RSPH10B: variants seen among roughly 807,000 people sequenced by gnomAD.
RSPH10B encodes the protein radial spoke head 10 homolog B (Chlamydomonas).
Under a neutral mutation model 52.5 loss-of-function variants are expected in RSPH10B, and 7 were observed. That is an observed-to-expected ratio of 0.13 (90% CI 0.08 to 0.25). The LOEUF (loss-of-function observed/expected upper bound fraction) is 0.25. RSPH10B is among the 10% of genes least tolerant of loss of function. The pLI is 1.00. For missense variants in RSPH10B, 89 were observed against 542.5 expected, an observed-to-expected ratio of 0.16 and a Z score of 8.30; for synonymous variants, 28 against 193.2, an observed-to-expected ratio of 0.14 and a Z score of 7.09.
At chr7:5,927,076 G>GTA (rs1383646838) in intron 18 of RSPH10B, among the ~76,000 whole-genome samples, 12 of 131,602 alleles carry the variant, frequency 9.1e-5, no homozygotes, top group Non-Finnish European at 2.0e-4. Flanking sequence ...GTATATGTGT[G>GTA]TGTGTGTGTG....
rs548280417 is a variant in RSPH10B, at chr7:5,944,223, C to T, written c.1530-233G>A. Among the ~76,000 whole-genome samples, 151 of 151,178 alleles carry T rather than the reference C, an allele frequency of 1.0e-3. 3 individuals carry two copies. The highest frequency in any genetic ancestry group is 3.4e-3 in the African/African-American group (138 of 40,862). On this transcript the variant is annotated intron_variant, in intron 11 of 18. Transcript: ENST00000337579. ...ACCAGCCTGGCCAACATGGTGGAAC[C>T]CCATCTCCACTAAAAATACAAAAAA...
intron 11 of RSPH10B, among the ~76,000 whole-genome samples, chr7:5,944,675 G>A (rs1183195256): frequency 1.4e-5 from 2 of 146,074 alleles, no homozygotes; most frequent in African/African-American, 5.2e-5. Context: ...AAAGACTGCT[G>A]AGGCTGGGCA....
At chr7:5,941,636 C>T (rs1211535114) in intron 13 of RSPH10B, among the ~76,000 whole-genome samples, 6 of 146,362 alleles carry the variant, frequency 4.1e-5, no homozygotes, top group African/African-American at 1.5e-4. Flanking sequence ...CCCAGCTACT[C>T]GGGAGGCTGA....
Position 5,927,043 on chromosome 7 carries a change from G to GTA in RSPH10B, c.2433-496_2433-495insTA, listed in dbSNP as rs1177030635. 2.1e-4 allele frequency among the ~76,000 whole-genome samples: 7 copies of GTA among 33,848 alleles called. 1 individual carries two copies. Among genetic ancestry groups the GTA allele is most frequent in the African/African-American group, 3.6e-4 (3 of 8,304 alleles). 22.2% of individuals were successfully genotyped at this position (33,848 alleles called of 152,430 possible). A position where few individuals can be genotyped will look rare whatever the true frequency, so the allele number is the denominator to read the frequency against. Reference sequence around the variant, plus strand: ...GTTACGTGTGTGTGTGTGTGTGTGTGTGTATTATGTGTGTGTGTGTGTGTA... The same window carrying GTA: ...GTTACGTGTGTGTGTGTGTGTGTGTGTATGTATTATGTGTGTGTGTGTGTGTA... On this transcript the variant is annotated intron_variant, in intron 18 of 18. Transcript: ENST00000337579.
intron 13 of RSPH10B, among the ~76,000 whole-genome samples, chr7:5,941,465 C>G (rs2128628544): frequency 6.8e-6 from 1 of 147,708 alleles, no homozygotes; most frequent in African/African-American, 2.5e-5. Context: ...ATGGAACAGG[C>G]CAGGCACAGT....
chr7:5,927,116 G>T, intron 18 of RSPH10B, among the ~76,000 whole-genome samples: 1 of 143,600 alleles, frequency 7.0e-6, no homozygotes, highest in Non-Finnish European at 1.5e-5. Context: ...TTTTGAGATA[G>T]GGTCTTACTG....
upstream of RSPH10B, among the ~76,000 whole-genome samples, chr7:5,968,773 C>G (rs1781200421): frequency 1.7e-5 from 1 of 58,412 alleles, no homozygotes; most frequent in Non-Finnish European, 4.4e-5. Context: ...CTCCAAAGTG[C>G]TGGGATTACA....
intron 13 of RSPH10B, among the ~76,000 whole-genome samples, chr7:5,942,689 C>A (rs1202665939): frequency 6.7e-6 from 1 of 149,876 alleles, no homozygotes; most frequent in Non-Finnish European, 1.5e-5. Flanking sequence ...TGGTGAACAC[C>A]CGTCTCTACT....
At chr7:5,927,619 C>A (rs1413274849) in intron 18 of RSPH10B, among the ~76,000 whole-genome samples, 3 of 142,934 alleles carry the variant, frequency 2.1e-5, no homozygotes, top group Non-Finnish European at 4.5e-5. Flanking sequence ...AAAGAGTCCA[C>A]AGGTTTTGAA....
At chr7:5,958,792 G>A (rs1289144483) in intron 5 of RSPH10B, among the ~76,000 whole-genome samples, 2 of 137,738 alleles carry the variant, frequency 1.5e-5, no homozygotes, top group African/African-American at 2.7e-5. Flanking sequence ...GTTGAAGTGA[G>A]CTGAGATGGC....
chr7:5,927,070 A>G (rs987580192), intron 18 of RSPH10B, among the ~76,000 whole-genome samples: 1,311 of 110,684 alleles, frequency 0.012, 28 homozygotes, highest in Non-Finnish European at 0.016. Flanking sequence ...GTGTGTGTAT[A>G]TGTGTGTGTG....
intron 6 of RSPH10B, among the ~76,000 whole-genome samples, chr7:5,956,734 A>G (rs1388490929): frequency 6.9e-5 from 10 of 144,378 alleles, no homozygotes; most frequent in Admixed American, 6.5e-4. Context: ...ACTCCCGGCT[A>G]ATTTTTATAT....
intron 18 of RSPH10B, among the ~76,000 whole-genome samples, chr7:5,927,084 G>GTATATATATATGTGTATATATATATA (rs1164900886): frequency 8.4e-5 from 9 of 106,548 alleles, no homozygotes; most frequent in Admixed American, 1.0e-4. Context: ...GTGTGTGTGT[G>GTATATATATATGTGTATATATATATA]TGTGTGTGTG....
intron 10 of RSPH10B, among the ~76,000 whole-genome samples, chr7:5,947,921 G>A (rs1780499157): frequency 1.1e-5 from 1 of 88,072 alleles, no homozygotes; most frequent in South Asian, 3.6e-4. Flanking sequence ...ACCCAGGCTG[G>A]AGTGCAATGG....
Position 5,927,779 on chromosome 7 carries a change from T to C in RSPH10B, c.2432+417A>G, listed in dbSNP as rs561642744. ...GGTGAAACCTCGTCTCTACTAAAAA[T>C]ACAAAAATTAGCCAGGCGTGGTGGT... On this transcript the variant is annotated intron_variant, in intron 18 of 18. Coordinates refer to ENST00000337579, the Ensembl canonical transcript of RSPH10B. Among the ~76,000 whole-genome samples the C allele has an allele frequency of 4.1e-5, 6 of 146,252 alleles. 1 individual carries two copies. The highest frequency in any genetic ancestry group is 1.0e-4 in the African/African-American group (4 of 38,922).
chr7:5,964,003 C>T (rs1267145009), intron 3 of RSPH10B, among the ~76,000 whole-genome samples: 1 of 150,994 alleles, frequency 6.6e-6, no homozygotes, highest in Non-Finnish European at 1.5e-5. Flanking sequence ...TCGCTTGAGC[C>T]TAGGAGTTCA....
upstream of RSPH10B, among the ~76,000 whole-genome samples, chr7:5,968,707 A>G (rs1159022930): frequency 1.5e-5 from 1 of 67,422 alleles, no homozygotes; most frequent in Non-Finnish European, 3.6e-5. Flanking sequence ...ACGGGGTTTC[A>G]CCGGGTTAGC....
chr7:5,958,378 T>G (rs1583243714), intron 5 of RSPH10B, among the ~76,000 whole-genome samples: 3 of 142,798 alleles, frequency 2.1e-5, no homozygotes, highest in Admixed American at 7.0e-5. Context: ...CCGGACATGG[T>G]GGCAGGCACC....
chr7:5,942,731 G>A lies in RSPH10B; in HGVS notation c.1758+593C>T, dbSNP rs551597593. The stretch of plus-strand genomic sequence containing the variant: ...ACAAAAATTAGCCAGGTGTGGTGGC[G>A]GGCACCTGTAATCCCAGCTACTCTG... On this transcript the variant is annotated intron_variant, in intron 13 of 18. Transcript: ENST00000337579. Among the ~76,000 whole-genome samples, 935 of 150,550 alleles carry A rather than the reference G, an allele frequency of 6.2e-3. 6 individuals are homozygous for A. The highest frequency in any genetic ancestry group is 0.022 in the African/African-American group (903 of 40,640).
Sources: gnomAD v4.1 joint callset for allele counts (sites outside exome capture counted in the v4.1 genomes callset) on GRCh38, gnomAD v4.1.1 for gene constraint, MANE v1.5 for transcripts, NCBI Gene and HGNC (gene_info 2026-07-23, HGNC 2026-07-21) for gene names.